SLC9A9: variants seen among roughly 807,000 people sequenced by gnomAD.
SLC9A9 encodes solute carrier family 9 member A9.
A neutral mutation model predicts 77.8 loss-of-function variants in SLC9A9; 62 were observed. The ratio of observed to expected loss-of-function variants is 0.80; its 90% CI spans 0.65 to 0.98. The LOEUF is 0.98. SLC9A9 is among the 50% of genes least tolerant of loss of function. The probability of loss-of-function intolerance (pLI) is 0.00; values close to 1 mark genes in which losing one functional copy is unlikely to be tolerated. For missense variants in SLC9A9, 775 were observed against 774.9 expected, an observed-to-expected ratio of 1.00 and a Z score of 0.00; for synonymous variants, 320 against 283.5, an observed-to-expected ratio of 1.13 and a Z score of -1.29.
intron 4 of SLC9A9, among the ~76,000 whole-genome samples, chr3:143,789,020 C>T (rs191481884): frequency 2.0e-5 from 3 of 151,874 alleles, no homozygotes; most frequent in Non-Finnish European, 4.4e-5. Context: ...AAATTGATAC[C>T]AGTACTTTGG....
At chr3:143,349,558 A>G (rs1226145269) in intron 14 of SLC9A9, among the ~76,000 whole-genome samples, 1 of 152,214 alleles carries the variant, frequency 6.6e-6, no homozygotes, top group East Asian at 1.9e-4. Context: ...AGGTATTATC[A>G]TTGTCACTGT....
At chr3:143,575,385 T>A (rs1454095850) in intron 7 of SLC9A9, among the ~76,000 whole-genome samples, 1 of 152,128 alleles carries the variant, frequency 6.6e-6, no homozygotes, top group Non-Finnish European at 1.5e-5. Context: ...TGTCTGAAAA[T>A]GAGAATAATA....
At chr3:143,388,070 A>C (rs1053547451) in intron 12 of SLC9A9, among the ~76,000 whole-genome samples, 1 of 152,176 alleles carries the variant, frequency 6.6e-6, no homozygotes, top group Non-Finnish European at 1.5e-5. Context: ...AAGTGTAAAA[A>C]AATGACATTT....
chr3:143,811,328 A>G (rs553362087), intron 2 of SLC9A9, among the ~76,000 whole-genome samples: 14 of 152,242 alleles, frequency 9.2e-5, no homozygotes, highest in African/African-American at 3.4e-4. Context: ...CTTTGGTTTG[A>G]GAAGCACCAG....
At chr3:143,549,109 A>G (rs919373024) in intron 9 of SLC9A9, among the ~76,000 whole-genome samples, 1 of 152,214 alleles carries the variant, frequency 6.6e-6, no homozygotes, top group African/African-American at 2.4e-5. Flanking sequence ...ACATCATATA[A>G]TACTTCCCAA....
chr3:143,564,523 G>C (rs1401727258), intron 8 of SLC9A9, among the ~76,000 whole-genome samples: 1 of 152,048 alleles, frequency 6.6e-6, no homozygotes, highest in Non-Finnish European at 1.5e-5. Flanking sequence ...ATTTATTTTT[G>C]ATCTAGTAAA....
chr3:143,501,075 T>A (rs1432185549), intron 9 of SLC9A9, among the ~76,000 whole-genome samples: 6 of 150,604 alleles, frequency 4.0e-5, no homozygotes. Flanking sequence ...TATGAATTAT[T>A]CAATAAGTCA....
intron 2 of SLC9A9, among the ~76,000 whole-genome samples, chr3:143,821,444 T>G (rs1020942778): frequency 6.6e-6 from 1 of 152,232 alleles, no homozygotes; most frequent in Non-Finnish European, 1.5e-5. Flanking sequence ...TAGAACTTTA[T>G]GCACTTCGCC....
intron 12 of SLC9A9, among the ~76,000 whole-genome samples, chr3:143,463,667 G>C (rs1414235371): frequency 2.0e-5 from 3 of 152,130 alleles, no homozygotes; most frequent in Admixed American, 6.5e-5. Flanking sequence ...AAATAATGCT[G>C]GAGGAGTCTT....
At chr3:143,344,398 T>C (rs1302711439) in intron 14 of SLC9A9, 1 of 152,164 alleles carries the variant, frequency 6.6e-6, no homozygotes, top group Non-Finnish European at 1.5e-5. Flanking sequence ...TCATTCCAAC[T>C]CTGTATTACT....
At chr3:143,599,009 C>G (rs775670237) in intron 6 of SLC9A9, among the ~76,000 whole-genome samples, 17 of 152,268 alleles carry the variant, frequency 1.1e-4, no homozygotes, top group Non-Finnish European at 2.2e-4. Context: ...ACCCACAGGT[C>G]GCCTCAATCC....
intron 6 of SLC9A9, among the ~76,000 whole-genome samples, chr3:143,649,821 A>G (rs2038767976): frequency 6.6e-6 from 1 of 152,186 alleles, no homozygotes; most frequent in African/African-American, 2.4e-5. Context: ...TTTTTTTTCC[A>G]TAACACAAGA....
intron 6 of SLC9A9, among the ~76,000 whole-genome samples, chr3:143,586,392 G>A (rs2037542103): frequency 6.6e-6 from 1 of 152,156 alleles, no homozygotes; most frequent in South Asian, 2.1e-4. Context: ...CAGCTGCCTT[G>A]TCATTCTGCT....
intron 4 of SLC9A9, among the ~76,000 whole-genome samples, chr3:143,748,960 C>T (rs1302922701): frequency 6.6e-6 from 1 of 152,002 alleles, no homozygotes; most frequent in Non-Finnish European, 1.5e-5. Flanking sequence ...GCCTCGGCCT[C>T]CCAAAGTGCT....
At chr3:143,299,223 TA>T (rs936313312) in intron 14 of SLC9A9, among the ~76,000 whole-genome samples, 7 of 150,716 alleles carry the variant, frequency 4.6e-5, no homozygotes, top group South Asian at 2.1e-4. Context: ...TCCTAAAGGG[TA>T]AAAAAAAAGG....
chr3:143,532,556 A>G (rs535201633), intron 9 of SLC9A9, among the ~76,000 whole-genome samples: 2 of 152,316 alleles, frequency 1.3e-5, no homozygotes, highest in South Asian at 4.1e-4. Flanking sequence ...ATTTTACTTT[A>G]CAAGCTTTTG....
chr3:143,391,923 C>A (rs913068509), intron 12 of SLC9A9, among the ~76,000 whole-genome samples: 1 of 152,140 alleles, frequency 6.6e-6, no homozygotes, highest in Admixed American at 6.5e-5. Flanking sequence ...AAGAAATGAA[C>A]AAAGCCTCCA....
At position 143,816,515 on chromosome 3, in the gene SLC9A9, C is replaced by T. The variant is rs769711071; in HGVS notation, c.378+15504G>A. Among the ~76,000 whole-genome samples, 33 of 152,324 alleles carry T rather than the reference C, an allele frequency of 2.2e-4. 1 individual carries two copies. Among genetic ancestry groups the T allele is most frequent in the South Asian group, 1.0e-3 (5 of 4,826 alleles). ...ATGTATATTAATATACAAGTGATCT[C>T]ATCCATTCACTTAAACTGCTGTGTA... On this transcript the variant is annotated intron_variant, in intron 2 of 15. Transcript: ENST00000316549.
chr3:143,321,253 C>T (rs1412937042), intron 14 of SLC9A9, among the ~76,000 whole-genome samples: 1 of 152,170 alleles, frequency 6.6e-6, no homozygotes, highest in East Asian at 1.9e-4. Flanking sequence ...TCCTGCTCAC[C>T]GTTGCTTAGA....
Sources: gnomAD v4.1 joint callset for allele counts (sites outside exome capture counted in the v4.1 genomes callset) on GRCh38, gnomAD v4.1.1 for gene constraint, MANE v1.5 for transcripts, NCBI Gene and HGNC (gene_info 2026-07-23, HGNC 2026-07-21) for gene names.